Variants in CEP63 observed in about 807,000 individuals in gnomAD.
The protein encoded by CEP63 is centrosomal protein 63, also known as centrosomal protein of 63 kDa.
In CEP63, 84 loss-of-function variants were observed where a neutral mutation model predicts 89.1. The observed-to-expected ratio is 0.94, with a 90% CI of 0.79 to 1.13. The LOEUF (loss-of-function observed/expected upper bound fraction) is 1.13. Ranked by LOEUF, CEP63 falls within the 50% of genes most tolerant of loss-of-function variation. The pLI is 0.00. For synonymous variants in CEP63, 267 were observed against 272.5 expected, an observed-to-expected ratio of 0.98 and a Z score of 0.20; for missense variants, 838 against 813.3, an observed-to-expected ratio of 1.03 and a Z score of -0.37.
chr3:134,682,723 A>C, the CEP63 span, among the ~76,000 whole-genome samples: 94 of 152,372 alleles, frequency 6.2e-4, no homozygotes, highest in African/African-American at 2.1e-3. Flanking sequence ...TGCTTACTCC[A>C]TGCTCGGCAC....
chr3:134,732,869 C>T, the CEP63 span, among the ~76,000 whole-genome samples: 2 of 152,080 alleles, frequency 1.3e-5, no homozygotes, highest in Non-Finnish European at 1.5e-5. Flanking sequence ...TAGCTTGTCA[C>T]GGTTGTATGG....
intron 13 of CEP63, 43 bp from the exon 14 acceptor site, chr3:134,559,107 G>C: frequency 1.2e-6 from 2 of 1,606,508 alleles, no homozygotes; most frequent in South Asian, 1.1e-5. Context: ...GAGAAAAGTT[G>C]CTACAATTTT....
chr3:134,675,500 A>G, the CEP63 span, among the ~76,000 whole-genome samples: 1 of 152,242 alleles, frequency 6.6e-6, no homozygotes, highest in Non-Finnish European at 1.5e-5. Flanking sequence ...AACACAAAAA[A>G]GCATGAGCAA....
At chr3:134,486,226 C>T (rs1576628226) in intron 1 of CEP63, 24 bp downstream of exon 1, 2 of 985,508 alleles carry the variant, frequency 2.0e-6, no homozygotes, top group Admixed American at 6.2e-5. Context: ...GGCTCAGGGG[C>T]GTGCTTGCGG....
At chr3:134,756,938 C>T in the CEP63 span, among the ~76,000 whole-genome samples, 708 of 152,230 alleles carry the variant, frequency 4.7e-3, 5 homozygotes, top group African/African-American at 0.015. Flanking sequence ...ATGTGTTCAA[C>T]GGCAGAGAAT....
chr3:134,580,794 C>T (rs185973855), intron 10 of CEP63, among the ~76,000 whole-genome samples: 287 of 152,288 alleles, frequency 1.9e-3, no homozygotes, highest in African/African-American at 6.5e-3. Context: ...AACGACAGCC[C>T]TCCAAAAATA....
downstream of CEP63, among the ~76,000 whole-genome samples, chr3:134,577,851 A>G (rs1958251397): frequency 6.6e-6 from 1 of 151,952 alleles, no homozygotes; most frequent in South Asian, 2.1e-4. Flanking sequence ...CAACTCCCAC[A>G]TATGAGTGAG....
the CEP63 span, among the ~76,000 whole-genome samples, chr3:134,611,302 G>C: frequency 6.6e-6 from 1 of 152,186 alleles, no homozygotes; most frequent in South Asian, 2.1e-4. Flanking sequence ...TATAAAATGA[G>C]ACATTTGGAG....
the CEP63 span, among the ~76,000 whole-genome samples, chr3:134,668,828 A>G: frequency 6.6e-6 from 1 of 151,900 alleles, no homozygotes; most frequent in Non-Finnish European, 1.5e-5. Context: ...TCACATTTCC[A>G]TCAAAGACCA....
chr3:134,549,224 C>A (rs1038947467), intron 10 of CEP63, 48 bp downstream of exon 10: 4 of 1,167,020 alleles, frequency 3.4e-6, no homozygotes, highest in African/African-American at 3.0e-5. Context: ...TGTTTATGGA[C>A]AAAGCTGTGG....
At chr3:134,674,138 A>G in the CEP63 span, among the ~76,000 whole-genome samples, 1 of 152,248 alleles carries the variant, frequency 6.6e-6, no homozygotes, top group Non-Finnish European at 1.5e-5. Flanking sequence ...TACAGAACAC[A>G]AACTTCCAGC....
At position 134,486,173 on chromosome 3, in the gene CEP63, G is replaced by A; in HGVS notation, c.-55G>A. ...TACAGAGGCTGGACGTAAGCTTAGC[G>A]GTGGCGCGCGTGCGCAGCGCCGGCC... On this transcript the variant is annotated 5_prime_UTR_variant, in exon 1 of 15. Coordinates refer to ENST00000675561, the MANE Select transcript of CEP63 (RefSeq NM_001353108.3). 2 of 985,572 alleles carry A rather than the reference G, an allele frequency of 2.0e-6. No homozygotes were observed. Among genetic ancestry groups the A allele is most frequent in the Non-Finnish European group, 2.4e-6 (2 of 830,004 alleles). The allele number at this position is 985,572 out of a possible 1,614,324, so 61.1% of individuals were successfully genotyped here. A position where few individuals can be genotyped will look rare whatever the true frequency, so the allele number is the denominator to read the frequency against.
At chr3:134,554,232 C>T (rs192289769) in intron 12 of CEP63, among the ~76,000 whole-genome samples, 2 of 151,412 alleles carry the variant, frequency 1.3e-5, no homozygotes, top group Admixed American at 6.6e-5. Context: ...ATCCCTCCCC[C>T]CTTCCCCCAC....
At chr3:134,572,561 C>T (rs1958055147) in intron 11 of CEP63, among the ~76,000 whole-genome samples, 1 of 152,158 alleles carries the variant, frequency 6.6e-6, no homozygotes, top group African/African-American at 2.4e-5. Context: ...CTGGCTGCAT[C>T]CATGTTGCTG....
chr3:134,559,060 A>G, intron 13 of CEP63, 90 bp from the exon 14 acceptor site: 12 of 1,325,954 alleles, frequency 9.1e-6, no homozygotes, highest in Non-Finnish European at 1.2e-5. Flanking sequence ...CTTATTAGTT[A>G]GGCTATTAAG....
chr3:134,610,212 G>T, the CEP63 span: 6 of 1,612,974 alleles, frequency 3.7e-6, no homozygotes, highest in African/African-American at 4.0e-5. Context: ...TGAATTTGGA[G>T]GTGATGGTGT....
the CEP63 span, among the ~76,000 whole-genome samples, chr3:134,762,933 G>A: frequency 6.6e-6 from 1 of 152,164 alleles, no homozygotes; most frequent in East Asian, 1.9e-4. Flanking sequence ...GAGATGAAAA[G>A]TTTCTTCCAG....
At chr3:134,638,915 T>C in the CEP63 span, among the ~76,000 whole-genome samples, 1 of 152,204 alleles carries the variant, frequency 6.6e-6, no homozygotes, top group South Asian at 2.1e-4. Flanking sequence ...CAGGTGTGTG[T>C]GTGTGTGCAT....
At chr3:134,777,967 AACAC>A in the CEP63 span, among the ~76,000 whole-genome samples, 2 of 151,370 alleles carry the variant, frequency 1.3e-5, no homozygotes, top group Non-Finnish European at 2.9e-5. Context: ...CAGAATAAAT[AACAC>A]ACACACACAC....
Sources: gnomAD v4.1 joint callset for allele counts (sites outside exome capture counted in the v4.1 genomes callset) on GRCh38, gnomAD v4.1.1 for gene constraint, MANE v1.5 for transcripts, NCBI Gene and HGNC (gene_info 2026-07-23, HGNC 2026-07-21) for gene names.